GRID2: variants seen among roughly 807,000 people sequenced by gnomAD.
GRID2 encodes the protein glutamate receptor ionotropic, delta-2.
In GRID2, 33 loss-of-function variants were observed where a neutral mutation model predicts 114.8. That is an observed-to-expected ratio of 0.29 (90% CI 0.22 to 0.38). GRID2 has a LOEUF of 0.38. GRID2 is among the 10% of genes least tolerant of loss of function. GRID2 has a pLI of 1.00. For missense variants in GRID2, 1,184 were observed against 1,257.7 expected (o/e 0.94, Z 0.89); for synonymous variants, 505 against 449.9 (o/e 1.12, Z -1.55).
At chr4:93,655,924 A>G (rs1207796507) in intron 14 of GRID2, among the ~76,000 whole-genome samples, 2 of 152,032 alleles carry the variant, frequency 1.3e-5, no homozygotes, top group Non-Finnish European at 2.9e-5. Flanking sequence ...TTTAAAAAAT[A>G]CCTTCATTAG....
chr4:93,585,224 T>C (rs1311483455), intron 13 of GRID2, among the ~76,000 whole-genome samples: 1 of 152,134 alleles, frequency 6.6e-6, no homozygotes, highest in Non-Finnish European at 1.5e-5. Context: ...CACCTCCTGT[T>C]ACGATTCTTC....
intron 2 of GRID2, among the ~76,000 whole-genome samples, chr4:92,919,828 G>A (rs1749154533): frequency 6.6e-6 from 1 of 152,336 alleles, no homozygotes; most frequent in South Asian, 2.1e-4. Context: ...TGTATATTCT[G>A]TTGATTTGGG....
chr4:93,418,490 A>G (rs997099011), intron 9 of GRID2, among the ~76,000 whole-genome samples: 1 of 152,090 alleles, frequency 6.6e-6, no homozygotes, highest in Non-Finnish European at 1.5e-5. Flanking sequence ...TTAAAAAAGC[A>G]TTGCCCTTCA....
chr4:93,786,672 G>A (rs190509910), intron 1 of GRID2, among the ~76,000 whole-genome samples: 53 of 152,328 alleles, frequency 3.5e-4, no homozygotes, highest in African/African-American at 1.3e-3. Context: ...TGGTGAGAGT[G>A]AGAGGTCAGA....
chr4:92,380,975 T>C (rs1222859233), intron 1 of GRID2, among the ~76,000 whole-genome samples: 1 of 151,950 alleles, frequency 6.6e-6, no homozygotes, highest in African/African-American at 2.4e-5. Context: ...ATATCAGAAA[T>C]ATAAAGTTTT....
chr4:93,487,567 G>A (rs1422820150), intron 11 of GRID2, among the ~76,000 whole-genome samples: 6 of 151,666 alleles, frequency 4.0e-5, no homozygotes, highest in African/African-American at 1.2e-4. Context: ...GGATTTTCTT[G>A]TTGTCTCAGT....
chr4:92,589,538 C>T (rs1372155171), intron 1 of GRID2, among the ~76,000 whole-genome samples: 1 of 152,180 alleles, frequency 6.6e-6, no homozygotes, highest in East Asian at 1.9e-4. Context: ...TTAGGACTTA[C>T]ATTAGTTCCT....
chr4:92,492,838 A>G (rs115541438), intron 1 of GRID2, among the ~76,000 whole-genome samples: 9 of 152,144 alleles, frequency 5.9e-5, no homozygotes, highest in African/African-American at 1.4e-4. Flanking sequence ...TAAATGGAAT[A>G]CAGTTTTAGG....
rs34219244 is a variant in GRID2, at chr4:92,831,493, G to GTT, written c.244+241220_244+241221dup. On this transcript the variant is annotated intron_variant, in intron 2 of 15. Transcript: ENST00000282020. ...AAACCTGGATTCAAATGCCAATTTCGTTTTTTTTTTTTTTCAAACCTGCAT... is the reference window on the plus strand; with the variant it reads ...AAACCTGGATTCAAATGCCAATTTCGTTTTTTTTTTTTTTTTCAAACCTGCAT... Among the ~76,000 whole-genome samples the GTT allele has an allele frequency of 6.2e-3, 827 of 134,328 alleles. 14 individuals are homozygous for GTT. Among genetic ancestry groups the GTT allele is most frequent in the African/African-American group, 0.021 (780 of 36,768 alleles). The allele number at this position is 134,328 out of a possible 152,430, so 88.1% of individuals were successfully genotyped here. A position where few individuals can be genotyped will look rare whatever the true frequency, so the allele number is the denominator to read the frequency against.
intron 4 of GRID2, among the ~76,000 whole-genome samples, chr4:93,150,052 A>G (rs1025850886): frequency 6.6e-6 from 1 of 152,158 alleles, no homozygotes; most frequent in Non-Finnish European, 1.5e-5. Context: ...ATTACAAGTA[A>G]AATTACCAAA....
At position 93,159,775 on chromosome 4, in the gene GRID2, A is replaced by G. The variant is rs552264822; in HGVS notation, c.736-47629A>G. 2.1e-5 allele frequency among the ~76,000 whole-genome samples: 3 copies of G among 144,522 alleles called. No homozygotes were observed. The South Asian group carries it at 6.5e-4, about 31-fold the overall frequency. The allele number at this position is 144,522 out of a possible 152,430, so 94.8% of individuals were successfully genotyped here. A position where few individuals can be genotyped will look rare whatever the true frequency, so the allele number is the denominator to read the frequency against. ...GCAAAGACATCATTTATTTAGTATT[A>G]TCAGTACAAATCACTAGATGCATCA... is the stretch of plus-strand genomic sequence containing the variant. On this transcript the variant is annotated intron_variant, in intron 4 of 15. Transcript: ENST00000282020.
intron 2 of GRID2, among the ~76,000 whole-genome samples, chr4:92,972,501 T>C (rs1753586213): frequency 6.6e-6 from 1 of 152,170 alleles, no homozygotes; most frequent in African/African-American, 2.4e-5. Flanking sequence ...TTCAGTAAAA[T>C]ATATGTCTGT....
At chr4:92,651,378 T>C (rs1731923300) in intron 2 of GRID2, among the ~76,000 whole-genome samples, 1 of 151,994 alleles carries the variant, frequency 6.6e-6, no homozygotes, top group South Asian at 2.1e-4. Flanking sequence ...GAAGTCTGTG[T>C]TGCTCATACC....
intron 2 of GRID2, among the ~76,000 whole-genome samples, chr4:92,735,834 A>G (rs1736569069): frequency 6.6e-6 from 1 of 152,080 alleles, no homozygotes; most frequent in African/African-American, 2.4e-5. Flanking sequence ...ACTAATAATC[A>G]ATGAAGCCAT....
At chr4:92,461,527 A>C (rs1022952146) in intron 1 of GRID2, among the ~76,000 whole-genome samples, 8 of 152,064 alleles carry the variant, frequency 5.3e-5, no homozygotes, top group Admixed American at 3.9e-4. Context: ...TCTCATAAGA[A>C]CTCAGATAAT....
At chr4:92,461,240 T>A (rs950402502) in intron 1 of GRID2, among the ~76,000 whole-genome samples, 2 of 151,994 alleles carry the variant, frequency 1.3e-5, no homozygotes, top group African/African-American at 4.8e-5. Context: ...ACATGGTAAG[T>A]CCTTAGTTAA....
At chr4:92,441,608 G>A (rs1282162837) in intron 1 of GRID2, among the ~76,000 whole-genome samples, 1 of 152,220 alleles carries the variant, frequency 6.6e-6, no homozygotes, top group East Asian at 1.9e-4. Flanking sequence ...CAGGTAAAAT[G>A]GGGGAATTGT....
intron 2 of GRID2, among the ~76,000 whole-genome samples, chr4:92,775,499 T>C (rs992305370): frequency 6.6e-6 from 1 of 152,186 alleles, no homozygotes. Flanking sequence ...CTTGCTGATA[T>C]AGCAAACTAA....
chr4:93,430,343 G>A (rs779767236), intron 10 of GRID2, among the ~76,000 whole-genome samples: 1 of 152,002 alleles, frequency 6.6e-6, no homozygotes, highest in Non-Finnish European at 1.5e-5. Flanking sequence ...ACCATACCCG[G>A]CTAATTTTTG....
Sources: gnomAD v4.1 joint callset for allele counts (sites outside exome capture counted in the v4.1 genomes callset) on GRCh38, gnomAD v4.1.1 for gene constraint, MANE v1.5 for transcripts, NCBI Gene and HGNC (gene_info 2026-07-23, HGNC 2026-07-21) for gene names.